Variants in CA10 observed in about 807,000 individuals in gnomAD.
CA10 encodes the protein carbonic anhydrase 10 (inactive), also known as carbonic anhydrase-related protein 10.
Under a neutral mutation model 44.2 loss-of-function variants are expected in CA10, and 14 were observed. That is an observed-to-expected ratio of 0.32 (90% CI 0.21 to 0.50). The LOEUF is 0.50. Among genes scored for constraint, CA10 ranks in the 20% least tolerant of loss-of-function variants. The pLI is 0.99. For missense variants in CA10, 350 were observed against 409.7 expected (o/e 0.85, Z 1.26); for synonymous variants, 159 against 141.6 (o/e 1.12, Z -0.87).
At chr17:51,772,168 G>C (rs949019757) in intron 3 of CA10, among the ~76,000 whole-genome samples, 3 of 152,110 alleles carry the variant, frequency 2.0e-5, no homozygotes, top group African/African-American at 7.2e-5. Context: ...CTACTGTTTT[G>C]TTGTGAAGAT....
chr17:52,080,453 AAAATAAATAAATAAATAAAT>A lies in CA10; in HGVS notation c.62-8080_62-8061del, dbSNP rs71357869. On this transcript the variant is annotated intron_variant, in intron 1 of 8. Transcript: ENST00000451037. ...GGTGACAGAGCGAGACTCCATCTCA[AAAATAAATAAATAAATAAAT>A]AAATAAATAAATAAATAAATAAATA... Among the ~76,000 whole-genome samples the A allele has an allele frequency of 1.1e-3, 146 of 138,026 alleles. 1 individual carries two copies. Among genetic ancestry groups the A allele is most frequent in the Middle Eastern group, 3.6e-3 (1 of 274 alleles). The allele number at this position is 138,026 out of a possible 152,430, so 90.6% of individuals were successfully genotyped here.
chr17:51,760,075 A>G (rs1905178099), intron 3 of CA10, among the ~76,000 whole-genome samples: 1 of 152,172 alleles, frequency 6.6e-6, no homozygotes, highest in African/African-American at 2.4e-5. Context: ...CCCGATCTCC[A>G]GTTATTTTAT....
chr17:51,885,417 T>C (rs1381923118), intron 3 of CA10, among the ~76,000 whole-genome samples: 1 of 152,178 alleles, frequency 6.6e-6, no homozygotes, highest in Non-Finnish European at 1.5e-5. Context: ...TAAGGTGAAC[T>C]CCTGGATCTT....
chr17:51,875,359 G>A (rs1199552808), intron 3 of CA10, among the ~76,000 whole-genome samples: 1 of 152,112 alleles, frequency 6.6e-6, no homozygotes, highest in African/African-American at 2.4e-5. Context: ...CTAGACTGAT[G>A]GAGAACCATG....
At chr17:51,863,121 C>T (rs373473586) in intron 3 of CA10, among the ~76,000 whole-genome samples, 9 of 152,136 alleles carry the variant, frequency 5.9e-5, no homozygotes, top group South Asian at 2.1e-4. Context: ...AATAACTTCT[C>T]GATGAGGTTT....
rs184762035 is a variant in CA10 at position 52,115,235 on chromosome 17, G to A, written c.61+42491C>T. 1.9e-4 allele frequency among the ~76,000 whole-genome samples: 29 copies of A among 152,190 alleles called. No homozygotes were observed. The East Asian group carries it at 3.9e-3, about 20-fold the overall frequency. On this transcript the variant is annotated intron_variant, in intron 1 of 8. Transcript: ENST00000451037. ...TTTCTTTGCTGAGAGATTTATTTTCGCCTAATACAACCACTTTCCTCACCC... is the reference window on the plus strand; with the variant it reads ...TTTCTTTGCTGAGAGATTTATTTTCACCTAATACAACCACTTTCCTCACCC...
intron 1 of CA10, among the ~76,000 whole-genome samples, chr17:52,095,332 T>C (rs1441836020): frequency 6.6e-6 from 1 of 152,096 alleles, no homozygotes; most frequent in African/African-American, 2.4e-5. Flanking sequence ...GTGTTGGTAA[T>C]TGACTGGGAA....
chr17:52,134,685 T>G (rs1016202557), intron 1 of CA10, among the ~76,000 whole-genome samples: 1 of 152,184 alleles, frequency 6.6e-6, no homozygotes, highest in African/African-American at 2.4e-5. Flanking sequence ...GGTTATTATT[T>G]CTTTTTCTCT....
intron 3 of CA10, among the ~76,000 whole-genome samples, chr17:51,805,810 G>A (rs910374580): frequency 2.0e-5 from 3 of 152,150 alleles, no homozygotes; most frequent in Non-Finnish European, 2.9e-5. Context: ...TCTTTCTATA[G>A]ATTTGCCTTT....
At chr17:52,059,873 A>T (rs1211527380) in intron 2 of CA10, among the ~76,000 whole-genome samples, 1 of 152,186 alleles carries the variant, frequency 6.6e-6, no homozygotes, top group Non-Finnish European at 1.5e-5. Flanking sequence ...ATTTTGTAGC[A>T]AAACAATTGA....
intron 3 of CA10, among the ~76,000 whole-genome samples, chr17:51,801,541 A>G (rs775102556): frequency 4.6e-5 from 7 of 152,098 alleles, no homozygotes; most frequent in Admixed American, 1.3e-4. Flanking sequence ...TGAATCTTAT[A>G]TGGGCTGTAG....
At chr17:52,157,667 T>C in intron 1 of CA10, 59 bp downstream of exon 1, 1 of 1,496,358 alleles carries the variant, frequency 6.7e-7, no homozygotes. Context: ...TAAAACCCCA[T>C]ACACCCCAGA....
intron 2 of CA10, among the ~76,000 whole-genome samples, chr17:51,966,114 G>T (rs1984069041): frequency 6.6e-6 from 1 of 151,496 alleles, no homozygotes; most frequent in Admixed American, 6.6e-5. Flanking sequence ...AATCTAATTT[G>T]CAATAGCCAT....
chr17:51,768,182 C>A (rs924782779), intron 3 of CA10, among the ~76,000 whole-genome samples: 1 of 97,866 alleles, frequency 1.0e-5, no homozygotes, highest in Non-Finnish European at 2.2e-5. Context: ...TTTTTTTTTT[C>A]TTGTTTATCT....
chr17:52,102,166 C>G (rs760170717), intron 1 of CA10, among the ~76,000 whole-genome samples: 16 of 152,198 alleles, frequency 1.1e-4, no homozygotes, highest in Non-Finnish European at 1.8e-4. Flanking sequence ...CTATAACACT[C>G]TCTCAGCTTT....
At chr17:51,820,406 C>A (rs377138990) in intron 3 of CA10, among the ~76,000 whole-genome samples, 149 of 6,478 alleles carry the variant, frequency 0.023, 8 homozygotes, top group African/African-American at 0.047. Flanking sequence ...GATTCCCCTA[C>A]CCCCCCCCCC....
At chr17:52,138,005 C>T (rs1159055524) in intron 1 of CA10, among the ~76,000 whole-genome samples, 1 of 152,202 alleles carries the variant, frequency 6.6e-6, no homozygotes, top group Non-Finnish European at 1.5e-5. Flanking sequence ...CATTTAGTAG[C>T]TTAAAACAAC....
At chr17:51,856,361 A>AAACAACAAC (rs3033577) in intron 3 of CA10, among the ~76,000 whole-genome samples, 773 of 150,474 alleles carry the variant, frequency 5.1e-3, no homozygotes, top group Non-Finnish European at 8.2e-3. Flanking sequence ...CATTTCAGTA[A>AAACAACAAC]AACAACAACA....
chr17:52,069,050 T>C (rs1225944549), intron 2 of CA10, among the ~76,000 whole-genome samples: 1 of 152,196 alleles, frequency 6.6e-6, no homozygotes, highest in East Asian at 1.9e-4. Flanking sequence ...ACTCCCTTTT[T>C]CTTTGGGGAC....
Sources: allele counts gnomAD v4.1 joint callset (sites outside exome capture counted in the v4.1 genomes callset), GRCh38; gene constraint gnomAD v4.1.1; transcripts MANE v1.5; gene names NCBI Gene and HGNC (gene_info 2026-07-23, HGNC 2026-07-21).